ZCCHC4: variants seen among roughly 807,000 people sequenced by gnomAD.
ZCCHC4 encodes zinc finger CCHC-type containing 4, also known as rRNA N(6)-adenosine-methyltransferase ZCCHC4.
Under a neutral mutation model 67.7 loss-of-function variants are expected in ZCCHC4, and 54 were observed. That is an observed-to-expected ratio of 0.80 (90% CI 0.64 to 1.00). The LOEUF (loss-of-function observed/expected upper bound fraction) is 1.00. Ranked by LOEUF, ZCCHC4 falls within the 50% of genes least tolerant of loss-of-function variation. ZCCHC4 has a pLI of 0.00. For synonymous variants in ZCCHC4, 198 were observed against 213.5 expected (o/e 0.93, Z 0.63); for missense variants, 609 against 617.0 (o/e 0.99, Z 0.14).
rs1720756749 is a variant in ZCCHC4 at position 25,361,950 on chromosome 4, A to G, written c.1103A>G (p.Lys368Arg). 1.9e-6 allele frequency: 3 copies of G among 1,614,042 alleles called. No homozygotes were observed. In the East Asian group the frequency reaches 6.7e-5, roughly 36 times the overall value. The change falls in exon 9 of 13, where the codon AAA becomes AGA. Residue 368 changes from lysine to arginine, a missense_variant. Lys to Arg is a conservative substitution (Grantham distance 26). Coordinates refer to ENST00000302874, the MANE Select transcript of ZCCHC4 (RefSeq NM_024936.3). ...ATTTTCACCAACATTCCGCCCAACA[A>G]AATAATCCTTCCTACTGAAGAAGGG... ...VRIFTNIPPN[K>R]IILPTEEGYR... is the part of the protein sequence containing the mutation.
At chr4:25,329,940 A>G (rs532471125) in intron 3 of ZCCHC4, among the ~76,000 whole-genome samples, 55 of 152,150 alleles carry the variant, frequency 3.6e-4, no homozygotes, top group African/African-American at 1.3e-3. Flanking sequence ...GTCTCTACCA[A>G]TATCATCCTA....
intron 3 of ZCCHC4, among the ~76,000 whole-genome samples, chr4:25,321,515 G>C (rs1263914951): frequency 1.3e-5 from 2 of 152,114 alleles, no homozygotes; most frequent in Non-Finnish European, 2.9e-5. Flanking sequence ...TGGGATTACA[G>C]GCTCCCGCCA....
At chr4:25,366,707 T>C (rs1720966696) in intron 12 of ZCCHC4, among the ~76,000 whole-genome samples, 1 of 152,370 alleles carries the variant, frequency 6.6e-6, no homozygotes, top group Non-Finnish European at 1.5e-5. Flanking sequence ...GCTGTACCAT[T>C]GTCAGTGTGA....
rs761715500 is a variant in ZCCHC4 at position 25,365,013 on chromosome 4, A to G, written c.1262-9A>G. ...GAACTTCCTTTAAAACTTAATTTTT[A>G]TTTTACAGCCTGGATCCACTGTAGC... is the stretch of plus-strand genomic sequence containing the variant. On this transcript the variant is annotated splice_polypyrimidine_tract_variant and intron_variant, in intron 11 of 12. Transcript: ENST00000302874. 5 of 1,608,988 alleles carry G rather than the reference A, an allele frequency of 3.1e-6. No homozygotes were observed. The East Asian group carries it at 6.7e-5, about 22-fold the overall frequency.
intron 3 of ZCCHC4, among the ~76,000 whole-genome samples, chr4:25,324,666 T>C (rs576348264): frequency 6.6e-6 from 1 of 152,366 alleles, no homozygotes; most frequent in Non-Finnish European, 1.5e-5. Flanking sequence ...TTTACATTCC[T>C]ATCAGCAACG....
rs1463724385 is a variant in ZCCHC4 at position 25,315,343 on chromosome 4, G to A, written c.272G>A (p.Arg91Gln). ...TTGTCAGGAGCTAGACTTGCTGCCC[G>A]AGAAGCTCATAACCGAAGATGTCAG... Reference protein sequence around the residue: ...EKLSGARLAAREAHNRRCQPP... With the variant: ...EKLSGARLAAQEAHNRRCQPP... Residue 91 changes from arginine (R) to glutamine (Q), a missense_variant, in exon 3 of 13, where the codon CGA (arginine) becomes CAA (glutamine). Arg to Gln is a conservative substitution (Grantham distance 43). Coordinates refer to ENST00000302874, the MANE Select transcript of ZCCHC4 (RefSeq NM_024936.3). 3.1e-6 allele frequency: 5 copies of A among 1,612,688 alleles called. No individual in the cohort carries two copies. The highest frequency in any genetic ancestry group is 1.3e-5 in the African/African-American group (1 of 74,820).
chr4:25,344,842 G>A lies in ZCCHC4; in HGVS notation c.687-706G>A, dbSNP rs75576110. Among the ~76,000 whole-genome samples, 1,138 of 149,098 alleles carry A rather than the reference G, an allele frequency of 7.6e-3. 9 individuals are homozygous for A. The highest frequency in any genetic ancestry group is 0.026 in the African/African-American group (1,071 of 40,548). ...TTTTGAGACAAGGTCTGGCTATAGC[G>A]TCCCGGCTGGAGTATAGTGGTGTGA... On this transcript the variant is annotated intron_variant, in intron 5 of 12. Transcript: ENST00000302874.
At chr4:25,313,877 CAAAA>C (rs1224923616) in intron 1 of ZCCHC4, among the ~76,000 whole-genome samples, 165 bp from the exon 2 acceptor site, 2 of 152,140 alleles carry the variant, frequency 1.3e-5, no homozygotes, top group South Asian at 4.2e-4. Context: ...GAAAACAAAA[CAAAA>C]AACCCTAACA....
At chr4:25,330,461 T>C (rs560416096) in intron 3 of ZCCHC4, among the ~76,000 whole-genome samples, 3 of 152,254 alleles carry the variant, frequency 2.0e-5, no homozygotes, top group Non-Finnish European at 2.9e-5. Context: ...TGTAGTGTGA[T>C]GTTCTTGAGC....
At chr4:25,329,245 G>GT (rs1423607710) in intron 3 of ZCCHC4, among the ~76,000 whole-genome samples, 1 of 152,080 alleles carries the variant, frequency 6.6e-6, no homozygotes, top group African/African-American at 2.4e-5. Context: ...TTTCCTTCAT[G>GT]TTTCTTGTAC....
intron 3 of ZCCHC4, among the ~76,000 whole-genome samples, chr4:25,316,506 C>A (rs1234996583): frequency 2.0e-5 from 3 of 152,216 alleles, no homozygotes; most frequent in Admixed American, 6.5e-5. Flanking sequence ...CTGATTACAA[C>A]CATCCTAGTA....
At chr4:25,345,746 T>C (rs1405290409) in intron 6 of ZCCHC4, 126 bp downstream of exon 6, 7 of 642,018 alleles carry the variant, frequency 1.1e-5, no homozygotes, top group African/African-American at 5.6e-5. Flanking sequence ...TTTACTGATA[T>C]TTATTTTTGT....
intron 5 of ZCCHC4, among the ~76,000 whole-genome samples, chr4:25,342,992 A>C (rs1244192844): frequency 6.6e-6 from 1 of 152,198 alleles, no homozygotes; most frequent in Non-Finnish European, 1.5e-5. Flanking sequence ...AAGGAATGAC[A>C]ACAATAGGGA....
At position 25,362,215 on chromosome 4, in the gene ZCCHC4, C is replaced by G; in HGVS notation, c.1134-11C>G. 1 of 1,605,018 alleles carries G rather than the reference C, an allele frequency of 6.2e-7. No individual in the cohort carries two copies. Among genetic ancestry groups the G allele is most frequent in the Non-Finnish European group, 8.5e-7 (1 of 1,174,546 alleles). Reference sequence around the variant, plus strand: ...AATGTATGCAGCTGATTTCTCTGTCCTTTACTCTAGATTTTGCTCTCCGTG... The same window carrying G: ...AATGTATGCAGCTGATTTCTCTGTCGTTTACTCTAGATTTTGCTCTCCGTG... On this transcript the variant is annotated splice_polypyrimidine_tract_variant and intron_variant, in intron 9 of 12. Transcript: ENST00000302874.
rs142299665 is a variant in ZCCHC4 at position 25,331,668 on chromosome 4, G to A, written c.330-1515G>A. 2.0e-3 allele frequency among the ~76,000 whole-genome samples: 304 copies of A among 152,238 alleles called. 1 individual carries two copies. Among genetic ancestry groups the A allele is most frequent in the African/African-American group, 6.9e-3 (288 of 41,552 alleles). On this transcript the variant is annotated intron_variant, in intron 3 of 12. Transcript: ENST00000302874. The stretch of plus-strand genomic sequence containing the variant: ...TAGTAAATTCAGTGTTTCTGTTGCC[G>A]AAGAGTGTTTATTGGTTCTTTCACT...
intron 3 of ZCCHC4, among the ~76,000 whole-genome samples, chr4:25,319,701 TTGTC>T (rs1275105065): frequency 6.6e-6 from 1 of 152,054 alleles, no homozygotes. Context: ...CCTATTCTCT[TTGTC>T]TGTCTTCAGC....
rs750788664 is a variant in ZCCHC4, at chr4:25,364,436, T to C, written c.1210-18T>C. ...AACAAATTAATTATAATTTAAAAAT[T>C]GTTTTTTTTTTTGGTAGGATGGCAG... On this transcript the variant is annotated intron_variant, in intron 10 of 12. Transcript: ENST00000302874. The C allele has an allele frequency of 2.0e-6, 3 of 1,481,450 alleles. No individual in the cohort carries two copies. Among genetic ancestry groups the C allele is most frequent in the African/African-American group, 2.9e-5 (2 of 69,180 alleles). The allele number at this position is 1,481,450 out of a possible 1,614,324, so 91.8% of individuals were successfully genotyped here.
chr4:25,318,353 T>C (rs1718391927), intron 3 of ZCCHC4, among the ~76,000 whole-genome samples: 1 of 121,126 alleles, frequency 8.3e-6, no homozygotes, highest in African/African-American at 3.3e-5. Context: ...CTCTCTCTTT[T>C]TTTTTTTTTT....
At chr4:25,335,460 A>C (rs567177462) in intron 5 of ZCCHC4, among the ~76,000 whole-genome samples, 1 of 152,172 alleles carries the variant, frequency 6.6e-6, no homozygotes, top group African/African-American at 2.4e-5. Flanking sequence ...AAAAGATAAT[A>C]ATCATAAAAG....
Sources: gnomAD v4.1 joint callset for allele counts (sites outside exome capture counted in the v4.1 genomes callset) on GRCh38, gnomAD v4.1.1 for gene constraint, MANE v1.5 for transcripts, NCBI Gene and HGNC (gene_info 2026-07-23, HGNC 2026-07-21) for gene names.